ZFAND5: variants seen among roughly 807,000 people sequenced by gnomAD.
The protein encoded by ZFAND5 is zinc finger AN1-type containing 5.
A neutral mutation model predicts 23.6 loss-of-function variants in ZFAND5; 4 were observed. The observed-to-expected ratio is 0.17, with a 90% CI of 0.08 to 0.39. The LOEUF (loss-of-function observed/expected upper bound fraction) is 0.39, where lower values mean the gene tolerates loss of function less well. Among genes scored for constraint, ZFAND5 ranks in the 10% least tolerant of loss-of-function variants. ZFAND5 has a pLI of 1.00. For missense variants in ZFAND5, 161 were observed against 253.7 expected (o/e 0.63, Z 2.48); for synonymous variants, 68 against 80.6 (o/e 0.84, Z 0.84).
Position 72,355,359 on chromosome 9 carries a change from C to A in ZFAND5, c.*594G>T, listed in dbSNP as rs967035258. On this transcript the variant is annotated 3_prime_UTR_variant, in exon 7 of 7. Coordinates refer to ENST00000376962, the MANE Select transcript of ZFAND5 (RefSeq NM_001102420.3). ...AACCAGTTTCGATGTTTACCTTTCA[C>A]AGAATGTCTTATTTGACAGCTTTAG... 2 of 152,672 alleles carry A rather than the reference C, an allele frequency of 1.3e-5. No homozygotes were observed. The highest frequency in any genetic ancestry group is 2.9e-5 in the Non-Finnish European group (2 of 68,064). 9.5% of individuals were successfully genotyped at this position (152,672 alleles called of 1,614,324 possible).
chr9:72,356,601 A>C (rs759025200), intron 6 of ZFAND5, among the ~76,000 whole-genome samples: 13 of 152,306 alleles, frequency 8.5e-5, no homozygotes, highest in Non-Finnish European at 1.9e-4. Context: ...AGACAAGAAA[A>C]AAAGCACCAA....
rs922973717 is a variant in ZFAND5 at position 72,352,800 on chromosome 9, GCA to G, written c.*3151_*3152del. 1.6e-4 allele frequency: 24 copies of G among 152,156 alleles called. No individual in the cohort carries two copies. The highest frequency in any genetic ancestry group is 2.6e-4 in the Non-Finnish European group (18 of 68,038). The allele number at this position is 152,156 out of a possible 1,614,324, so 9.4% of individuals were successfully genotyped here. ...GACAATAGCAAATACAATGTGCCAG[GCA>G]CAGTTTTAAGTGTTGTCACCTTCAC... On this transcript the variant is annotated 3_prime_UTR_variant, in exon 7 of 7. Transcript: ENST00000376962.
At chr9:72,357,189 T>C in intron 5 of ZFAND5, 133 bp from the exon 6 acceptor site, 1 of 1,097,562 alleles carries the variant, frequency 9.1e-7, no homozygotes, top group Non-Finnish European at 1.2e-6. Context: ...AAATACAAGC[T>C]TTAAACAGAA....
At position 72,359,529 on chromosome 9, in the gene ZFAND5, A is replaced by T; in HGVS notation, c.264-8T>A. On this transcript the variant is annotated splice_polypyrimidine_tract_variant and splice_region_variant and intron_variant, in intron 4 of 6. Transcript: ENST00000376962. Reference sequence around the variant, plus strand: ...GCAGCCACAGGCACATTTCTATTTGAGTTCAAGCAAACAATTTTTAAAGGT... The same window carrying T: ...GCAGCCACAGGCACATTTCTATTTGTGTTCAAGCAAACAATTTTTAAAGGT... 2 of 1,612,498 alleles carry T rather than the reference A, an allele frequency of 1.2e-6. No homozygotes were observed. The highest frequency in any genetic ancestry group is 1.7e-6 in the Non-Finnish European group (2 of 1,179,292).
At chr9:72,359,828 C>T (rs3012506) in intron 4 of ZFAND5, among the ~76,000 whole-genome samples, 64,627 of 151,918 alleles carry the variant, frequency 0.43, 14,689 homozygotes, top group South Asian at 0.57. Flanking sequence ...AACACCTTGT[C>T]TGGCCCAATA....
chr9:72,359,292 GC>G (rs1230427872), intron 5 of ZFAND5, 125 bp downstream of exon 5: 1 of 783,024 alleles, frequency 1.3e-6, no homozygotes, highest in Non-Finnish European at 2.0e-6. Flanking sequence ...GTAGTTCTTT[GC>G]TTGGCCTATA....
rs1841812791 is a variant in ZFAND5 at position 72,352,827 on chromosome 9, C to T, written c.*3126G>A. The T allele has an allele frequency of 6.6e-6, 1 of 152,228 alleles. No homozygotes were observed. 9.4% of individuals were successfully genotyped at this position (152,228 alleles called of 1,614,324 possible). On this transcript the variant is annotated 3_prime_UTR_variant, in exon 7 of 7. Coordinates refer to ENST00000376962, the MANE Select transcript of ZFAND5 (RefSeq NM_001102420.3). ...ACAGTTTTAAGTGTTGTCACCTTCA[C>T]ACTCCTGAAGGTGGTTGCTGTCTTC...
rs542634963 is a variant in ZFAND5, at chr9:72,353,101, G to A, written c.*2852C>T. On this transcript the variant is annotated 3_prime_UTR_variant, in exon 7 of 7. Transcript: ENST00000376962. ...ACCCATTTATACTGCGAATTCATGT[G>A]GTCACAGCCTAACAAAACTTCAGGT... 7 of 152,184 alleles carry A rather than the reference G, an allele frequency of 4.6e-5. No homozygotes were observed. In the South Asian group the frequency reaches 1.2e-3, roughly 27 times the overall value. The allele number at this position is 152,184 out of a possible 1,614,324, so 9.4% of individuals were successfully genotyped here.
intron 2 of ZFAND5, among the ~76,000 whole-genome samples, chr9:72,362,240 T>C (rs945025322): frequency 6.6e-6 from 1 of 152,246 alleles, no homozygotes; most frequent in Non-Finnish European, 1.5e-5. Context: ...AGTGTAAACA[T>C]TTCAACATCA....
At chr9:72,364,435 G>A (rs1185532131) in intron 1 of ZFAND5, 10 of 1,266,348 alleles carry the variant, frequency 7.9e-6, no homozygotes, top group African/African-American at 3.2e-5. Context: ...CCCCGCAGAG[G>A]CGGCACGCCG....
At chr9:72,359,557 T>C in intron 4 of ZFAND5, 36 bp from the exon 5 acceptor site, 1 of 1,579,358 alleles carries the variant, frequency 6.3e-7, no homozygotes, top group Non-Finnish European at 8.7e-7. Flanking sequence ...TTAAAGGTGT[T>C]AAGGGTACTT....
chr9:72,364,522 A>G (rs1842206337), intron 1 of ZFAND5, 174 bp downstream of exon 1: 2 of 1,279,574 alleles, frequency 1.6e-6, no homozygotes, highest in East Asian at 6.8e-5. Context: ...CGACAGGATG[A>G]CGCCTCCGTC....
rs560169807 is a variant in ZFAND5 at position 72,351,762 on chromosome 9, A to G, written c.*4191T>C. On this transcript the variant is annotated 3_prime_UTR_variant, in exon 7 of 7. Transcript: ENST00000376962. The stretch of plus-strand genomic sequence containing the variant: ...TGTTGGCCGATTCACCATGACTGAC[A>G]TGGTGCATGTTCACTTGTTTTTAAA... 1 of 152,186 alleles carries G rather than the reference A, an allele frequency of 6.6e-6. No individual in the cohort carries two copies. Among genetic ancestry groups the G allele is most frequent in the South Asian group, 2.1e-4 (1 of 4,832 alleles). 9.4% of individuals were successfully genotyped at this position (152,186 alleles called of 1,614,324 possible).
At chr9:72,356,711 G>C (rs1190878665) in intron 6 of ZFAND5, among the ~76,000 whole-genome samples, 1 of 152,010 alleles carries the variant, frequency 6.6e-6, no homozygotes, top group Non-Finnish European at 1.5e-5. Context: ...AATAAAATAA[G>C]AGGGCCTGAG....
rs1841928152 is a variant in ZFAND5 at position 72,355,853 on chromosome 9, G to T, written c.*100C>A. On this transcript the variant is annotated 3_prime_UTR_variant, in exon 7 of 7. Transcript: ENST00000376962. ...ACAGACAAGTGTAATGTAAAACTCT[G>T]GAGAACATCAAAGAAAAATGGCCAT... 1 of 1,108,582 alleles carries T rather than the reference G, an allele frequency of 9.0e-7. No homozygotes were observed. The highest frequency in any genetic ancestry group is 1.3e-6 in the Non-Finnish European group (1 of 783,786). 68.7% of individuals were successfully genotyped at this position (1,108,582 alleles called of 1,614,324 possible). A position where few individuals can be genotyped will look rare whatever the true frequency, so the allele number is the denominator to read the frequency against.
chr9:72,361,676 A>G (rs1842106408), intron 2 of ZFAND5, among the ~76,000 whole-genome samples: 1 of 152,260 alleles, frequency 6.6e-6, no homozygotes, highest in Non-Finnish European at 1.5e-5. Flanking sequence ...TTACATAGCA[A>G]GCATTTGTTT....
chr9:72,365,083 G>A lies in ZFAND5; in HGVS notation c.-534C>T, dbSNP rs11549118. ...AGCGGACCGCGCGCCGCGAGGCCTG[G>A]GGCCGTAAGGGCCCGCTGATGGCGC... On this transcript the variant is annotated 5_prime_UTR_variant, in exon 1 of 7. Transcript: ENST00000376962. 1 of 152,232 alleles carries A rather than the reference G, an allele frequency of 6.6e-6. No homozygotes were observed. Among genetic ancestry groups the A allele is most frequent in the Admixed American group, 6.5e-5 (1 of 15,286 alleles). The allele number at this position is 152,232 out of a possible 1,614,324, so 9.4% of individuals were successfully genotyped here. A position where few individuals can be genotyped will look rare whatever the true frequency, so the allele number is the denominator to read the frequency against.
intron 4 of ZFAND5, 65 bp downstream of exon 4, chr9:72,360,045 A>ACC: frequency 7.4e-7 from 1 of 1,344,672 alleles, no homozygotes; most frequent in Non-Finnish European, 1.0e-6. Flanking sequence ...TTATTATTGG[A>ACC]CCAGTACAGA....
Position 72,364,731 on chromosome 9 carries a change from C to G in ZFAND5, c.-182G>C. On this transcript the variant is annotated 5_prime_UTR_variant, in exon 1 of 7. Coordinates refer to ENST00000376962, the MANE Select transcript of ZFAND5 (RefSeq NM_001102420.3). ...CCCAAATGCGAAAGCCGGGTTCGCG[C>G]GCGAAGCCGGCACGATGAGGCCGGG... The G allele has an allele frequency of 2.7e-6, 2 of 745,442 alleles. No individual in the cohort carries two copies. Among genetic ancestry groups the G allele is most frequent in the Non-Finnish European group, 3.4e-6 (2 of 584,006 alleles). The allele number at this position is 745,442 out of a possible 1,614,324, so 46.2% of individuals were successfully genotyped here. A position where few individuals can be genotyped will look rare whatever the true frequency, so the allele number is the denominator to read the frequency against.
Sources: gnomAD v4.1 joint callset for allele counts (sites outside exome capture counted in the v4.1 genomes callset) on GRCh38, gnomAD v4.1.1 for gene constraint, MANE v1.5 for transcripts, NCBI Gene and HGNC (gene_info 2026-07-23, HGNC 2026-07-21) for gene names.